The following DMD variants were observed in gnomAD, a reference collection of about 807,000 sequenced individuals.
DMD encodes the protein dystrophin.
In DMD, 63 loss-of-function variants were observed where a neutral mutation model predicts 330.1. The ratio of observed to expected loss-of-function variants is 0.19; its 90% CI spans 0.16 to 0.24. The LOEUF is 0.24. Among genes scored for constraint, DMD ranks in the 10% least tolerant of loss-of-function variants. The pLI, the probability that DMD is intolerant of heterozygous loss-of-function variation, is 1.00. For synonymous variants in DMD, 1,223 were observed against 959.8 expected (o/e 1.27, Z -5.07); for missense variants, 3,344 against 2,684.1 (o/e 1.25, Z -5.43).
chrX:32,655,429 T>TC (rs1244173424), intron 9 of DMD, among the ~76,000 whole-genome samples: 1 of 112,369 alleles, frequency 8.9e-6, no homozygotes, highest in Non-Finnish European at 1.9e-5. Flanking sequence ...TTGTTCAGTT[T>TC]CCATGTAGTT....
intron 1 of DMD, among the ~76,000 whole-genome samples, chrX:33,037,060 A>T (rs1213162937): frequency 9.0e-6 from 1 of 111,410 alleles, no homozygotes; most frequent in Non-Finnish European, 1.9e-5. Flanking sequence ...TCTGAGGTGT[A>T]CTGCAATTTG....
chrX:32,449,318 AG>A (rs1279940503), intron 26 of DMD, among the ~76,000 whole-genome samples: 1 of 110,687 alleles, frequency 9.0e-6, no homozygotes, highest in Non-Finnish European at 1.9e-5. Context: ...GACCATGACA[AG>A]ATCATTCCAT....
intron 2 of DMD, among the ~76,000 whole-genome samples, chrX:32,859,961 C>CT: frequency 9.0e-6 from 1 of 111,682 alleles, no homozygotes; most frequent in East Asian, 2.8e-4. Flanking sequence ...TAAGATTTCC[C>CT]TTATCAAGTG....
chrX:31,344,851 A>G (rs1223224103), intron 61 of DMD, among the ~76,000 whole-genome samples: 2 of 108,682 alleles, frequency 1.8e-5, no homozygotes, highest in African/African-American at 6.8e-5. Context: ...AAAAGATAGA[A>G]CCTTGATACA....
intron 17 of DMD, among the ~76,000 whole-genome samples, chrX:32,532,427 C>T (rs182268981): frequency 4.5e-5 from 5 of 111,880 alleles, no homozygotes; most frequent in Admixed American, 9.5e-5. Flanking sequence ...CATAGCAAGG[C>T]GAGGAATTTC....
At position 31,456,876 on chromosome X, in the gene DMD, G is replaced by GTGTGTGTGTGTATATA. The variant is rs752346201; in HGVS notation, c.8938-12250_8938-12249insTATATACACACACACA. On this transcript the variant is annotated intron_variant, in intron 59 of 78. Transcript: ENST00000357033. ...TGTGTGTGTGTGTGTGTGTGTGTGT[G>GTGTGTGTGTGTATATA]TATATATATATATATTATATACCTA... 4.4e-5 allele frequency among the ~76,000 whole-genome samples: 3 copies of GTGTGTGTGTGTATATA among 68,695 alleles called. No homozygotes were observed. In the Admixed American group the frequency reaches 4.8e-4, roughly 11 times the overall value. 59.7% of individuals were successfully genotyped at this position (68,695 alleles called of 115,157 possible).
chrX:32,815,331 A>G (rs1006228426), intron 6 of DMD, among the ~76,000 whole-genome samples: 1 of 107,764 alleles, frequency 9.3e-6, no homozygotes, highest in Non-Finnish European at 1.9e-5. Context: ...TCAAAGTGAG[A>G]AAACATAACT....
intron 9 of DMD, among the ~76,000 whole-genome samples, chrX:32,662,696 C>A (rs1247957199): frequency 2.7e-5 from 3 of 111,769 alleles, no homozygotes; most frequent in South Asian, 3.7e-4. Flanking sequence ...TGTTATTTCT[C>A]TTTCATTTGG....
chrX:32,640,417 G>A (rs2059376217), intron 11 of DMD, among the ~76,000 whole-genome samples: 1 of 109,633 alleles, frequency 9.1e-6, no homozygotes, highest in South Asian at 3.9e-4. Flanking sequence ...TATTCCTTAG[G>A]CAAACTGGAG....
intron 2 of DMD, among the ~76,000 whole-genome samples, chrX:32,953,028 G>A (rs1339534850): frequency 2.8e-5 from 3 of 107,988 alleles, no homozygotes; most frequent in African/African-American, 1.0e-4. Context: ...CCAGCTACTC[G>A]GGAGGCTGAG....
chrX:32,150,412 T>A (rs918360006), intron 44 of DMD, among the ~76,000 whole-genome samples: 1 of 111,724 alleles, frequency 9.0e-6, no homozygotes, highest in Non-Finnish European at 1.9e-5. Flanking sequence ...CCTATTGCAG[T>A]TGCCGGTGCC....
chrX:31,985,037 G>C (rs745899506), intron 44 of DMD, among the ~76,000 whole-genome samples: 2 of 111,929 alleles, frequency 1.8e-5, no homozygotes, highest in South Asian at 7.4e-4. Context: ...ATTTAAAATT[G>C]ATACTCTATT....
chrX:32,410,550 A>C (rs1049333646), intron 30 of DMD, among the ~76,000 whole-genome samples: 1 of 111,823 alleles, frequency 8.9e-6, no homozygotes, highest in African/African-American at 3.2e-5. Flanking sequence ...TTCATTTTAA[A>C]GTGAAAAACT....
At chrX:31,758,858 C>T (rs761774090) in intron 51 of DMD, among the ~76,000 whole-genome samples, 1 of 111,938 alleles carries the variant, frequency 8.9e-6, no homozygotes, top group Admixed American at 9.5e-5. Context: ...AAAAGTAATA[C>T]AGAGGTTGGC....
chrX:33,049,344 C>T (rs1217530522), intron 1 of DMD, among the ~76,000 whole-genome samples: 2 of 111,664 alleles, frequency 1.8e-5, no homozygotes, highest in African/African-American at 6.5e-5. Context: ...ATTTCAGTTT[C>T]TCAGAAGACT....
At chrX:32,667,773 T>G (rs978477341) in intron 9 of DMD, among the ~76,000 whole-genome samples, 36 of 107,878 alleles carry the variant, frequency 3.3e-4, no homozygotes, top group African/African-American at 1.1e-3. Context: ...TTGTGTTTTT[T>G]TTTTTTTTTT....
intron 54 of DMD, among the ~76,000 whole-genome samples, chrX:31,635,254 G>A (rs2079348334): frequency 8.9e-6 from 1 of 111,840 alleles, no homozygotes; most frequent in Non-Finnish European, 1.9e-5. Context: ...GAATTTTTAA[G>A]TTGGCTTTGG....
intron 43 of DMD, among the ~76,000 whole-genome samples, chrX:32,273,120 G>C (rs1466535270): frequency 9.0e-6 from 1 of 111,047 alleles, no homozygotes; most frequent in Non-Finnish European, 1.9e-5. Flanking sequence ...TAGGTACCTA[G>C]GGAAATGATG....
chrX:31,635,702 G>A (rs888916541), intron 54 of DMD, among the ~76,000 whole-genome samples: 1 of 111,751 alleles, frequency 8.9e-6, no homozygotes, highest in African/African-American at 3.2e-5. Flanking sequence ...TTATGATATC[G>A]AAATATTTGT....
Sources: gnomAD v4.1 joint callset for allele counts (sites outside exome capture counted in the v4.1 genomes callset) on GRCh38, gnomAD v4.1.1 for gene constraint, MANE v1.5 for transcripts, NCBI Gene and HGNC (gene_info 2026-07-23, HGNC 2026-07-21) for gene names.